The following CRACD variants were observed in gnomAD, a reference collection of about 807,000 sequenced individuals.
CRACD encodes the protein capping protein-inhibiting regulator of actin dynamics.
In CRACD, 56 loss-of-function variants were observed where a neutral mutation model predicts 106.8. The observed-to-expected ratio is 0.52, with a 90% CI of 0.42 to 0.66. CRACD has a LOEUF of 0.66. CRACD is among the 30% of genes least tolerant of loss of function. The pLI is 0.00. For synonymous variants in CRACD, 754 were observed against 670.8 expected, an observed-to-expected ratio of 1.12 and a Z score of -1.92; for missense variants, 1,730 against 1,623.2, an observed-to-expected ratio of 1.07 and a Z score of -1.13.
intron 1 of CRACD, among the ~76,000 whole-genome samples, chr4:56,096,484 A>G (rs193061521): frequency 1.9e-4 from 29 of 152,254 alleles, no homozygotes; most frequent in African/African-American, 5.8e-4. Context: ...AGGCCAAGGC[A>G]GGTGGATTGC....
intron 1 of CRACD, among the ~76,000 whole-genome samples, chr4:56,095,803 G>C (rs1321896289): frequency 3.3e-5 from 5 of 152,312 alleles, no homozygotes; most frequent in Admixed American, 2.0e-4. Context: ...GTGACAATGT[G>C]GGGTGGGGAG....
At position 56,221,656 on chromosome 4, in the gene CRACD, C is replaced by A. The variant is rs528118023; in HGVS notation, c.-189+42226C>A. ...TCTGCAAGGAACTCAAACAAATCAG[C>A]AAAAAAAATTAAAAAATAAAATAAA... On this transcript the variant is annotated intron_variant, in intron 2 of 10. Transcript: ENST00000682029. Among the ~76,000 whole-genome samples, 4 of 150,220 alleles carry A rather than the reference C, an allele frequency of 2.7e-5. No homozygotes were observed. The East Asian group carries it at 5.9e-4, about 22-fold the overall frequency.
At position 56,314,322 on chromosome 4, in the gene CRACD, G is replaced by A. The variant is rs1014002967; in HGVS notation, c.820G>A (p.Gly274Ser). The A allele has an allele frequency of 4.2e-5, 65 of 1,551,760 alleles. No homozygotes were observed. Among genetic ancestry groups the A allele is most frequent in the Non-Finnish European group, 5.5e-5 (63 of 1,147,440 alleles). ...AAGGCAGGAGCTCTTGGAGGAGGAG[G>A]GCGAGGGGCAGGAGCCGCCTCTAGA... The part of the protein sequence containing the change: ...NRRQELLEEE[G>S]EGQEPPLEAE... The change falls in exon 8 of 11, where the codon GGC becomes AGC. Residue 274 changes from glycine to serine, a missense_variant. Gly to Ser is a moderately conservative substitution (Grantham distance 56). Around this residue, in one of 5 missense-constraint regions of CRACD, gnomAD observed 1,620 missense variants for 1,481.6 expected, o/e 1.09. Transcript: ENST00000682029. The surrounding 1 kb of genome is among the most constrained non-coding windows in gnomAD (Gnocchi z 4.4).
At chr4:56,088,132 C>CTTTTTTTT (rs11305512) in intron 1 of CRACD, among the ~76,000 whole-genome samples, 21 of 131,926 alleles carry the variant, frequency 1.6e-4, no homozygotes, top group African/African-American at 2.0e-4. Context: ...TAGATTGTTT[C>CTTTTTTTT]TTTTTTTTTT....
intron 1 of CRACD, among the ~76,000 whole-genome samples, chr4:56,160,162 AG>A (rs1735901396): frequency 6.6e-6 from 1 of 150,476 alleles, no homozygotes; most frequent in African/African-American, 2.4e-5. Context: ...GAAAAATCCT[AG>A]CTAAGTCACT....
At chr4:56,090,120 A>G (rs1333030091) in intron 1 of CRACD, among the ~76,000 whole-genome samples, 2 of 151,734 alleles carry the variant, frequency 1.3e-5, no homozygotes, top group Admixed American at 6.6e-5. Flanking sequence ...AGATGCCTTA[A>G]TATGAAAGGT....
chr4:56,149,282 T>C (rs73817368), intron 1 of CRACD, among the ~76,000 whole-genome samples: 3,293 of 152,262 alleles, frequency 0.022, 98 homozygotes, highest in African/African-American at 0.069. Context: ...CTCAACTCTG[T>C]TTCTATCCCA....
intron 1 of CRACD, among the ~76,000 whole-genome samples, chr4:56,095,227 C>T (rs1733559370): frequency 6.6e-6 from 1 of 152,140 alleles, no homozygotes. Context: ...TGGCACCTGC[C>T]TGTAGTCCCA....
At chr4:56,209,482 A>G (rs1738292941) in intron 2 of CRACD, among the ~76,000 whole-genome samples, 1 of 152,138 alleles carries the variant, frequency 6.6e-6, no homozygotes, top group African/African-American at 2.4e-5. Flanking sequence ...AATTACATAT[A>G]TTAACTACAT....
chr4:56,062,186 C>G (rs1178992027), intron 1 of CRACD, among the ~76,000 whole-genome samples: 1 of 152,186 alleles, frequency 6.6e-6, no homozygotes, highest in Non-Finnish European at 1.5e-5. Flanking sequence ...TATCAAATAG[C>G]TCTTCTAAGT....
intron 1 of CRACD, among the ~76,000 whole-genome samples, chr4:56,167,644 T>C (rs570234258): frequency 1.3e-5 from 2 of 152,336 alleles, no homozygotes; most frequent in South Asian, 4.1e-4. Flanking sequence ...GCTTATTTCA[T>C]TTAACATAAG....
chr4:56,182,861 A>ATGTGTGTGTGTGTGTGTGTGTGTG (rs763638808), intron 2 of CRACD, among the ~76,000 whole-genome samples: 4 of 101,892 alleles, frequency 3.9e-5, no homozygotes, highest in African/African-American at 1.5e-4. Flanking sequence ...GAAAAAAAAG[A>ATGTGTGTGTGTGTGTGTGTGTGTG]TATGTGTGTG....
At chr4:56,279,232 C>A (rs1742859157) in intron 3 of CRACD, among the ~76,000 whole-genome samples, 1 of 152,140 alleles carries the variant, frequency 6.6e-6, no homozygotes, top group Non-Finnish European at 1.5e-5. Flanking sequence ...GATGGAAATG[C>A]AGAAATCATT....
intron 1 of CRACD, among the ~76,000 whole-genome samples, chr4:56,070,857 G>GTGTGTGTGTGTA (rs1210955529): frequency 6.7e-6 from 1 of 149,220 alleles, no homozygotes; most frequent in Non-Finnish European, 1.5e-5. Context: ...CTGTGTGTGT[G>GTGTGTGTGTGTA]TGTGTGTGTG....
intron 3 of CRACD, among the ~76,000 whole-genome samples, chr4:56,295,178 A>G (rs978662943): frequency 6.6e-6 from 1 of 152,096 alleles, no homozygotes; most frequent in Non-Finnish European, 1.5e-5. Context: ...TACTTAATTT[A>G]TAGCAAATTG....
At chr4:56,164,397 G>A (rs558563040) in intron 1 of CRACD, among the ~76,000 whole-genome samples, 5 of 152,272 alleles carry the variant, frequency 3.3e-5, no homozygotes, top group Admixed American at 2.6e-4. Context: ...GCCTCCCAAA[G>A]TGCTGGGATT....
chr4:56,323,357 C>CT lies in CRACD; in HGVS notation c.3188-17dup. ...GCAGTTAAGTTCATTGCAAACCGTT[C>CT]TTTGTCTTATTCCCCACAGAGAAGC... On this transcript the variant is annotated intron_variant, in intron 8 of 10. Coordinates refer to ENST00000682029, the MANE Select transcript of CRACD (RefSeq NM_001393381.1). 1.9e-6 allele frequency: 3 copies of CT among 1,582,650 alleles called. No individual in the cohort carries two copies. Among genetic ancestry groups the CT allele is most frequent in the African/African-American group, 1.4e-5 (1 of 72,534 alleles).
chr4:56,172,539 C>T (rs764984820), intron 1 of CRACD, among the ~76,000 whole-genome samples: 59 of 152,150 alleles, frequency 3.9e-4, no homozygotes, highest in Non-Finnish European at 6.9e-4. Context: ...CTCGGCTCAC[C>T]GCAACCCCTG....
In CRACD at chr4:56,306,816, C is replaced by T. The variant is rs73240540; in HGVS notation, c.121-719C>T. Among the ~76,000 whole-genome samples, 1,135 of 152,316 alleles carry T rather than the reference C, an allele frequency of 7.5e-3. 7 individuals are homozygous for T. The highest frequency in any genetic ancestry group is 0.011 in the Non-Finnish European group (771 of 68,034). ...AGTAGTCAGTCCCTCCCTGGCTTTT[C>T]CCCATTTGGTTCCTCTGTCTCCTTT... is the stretch of plus-strand genomic sequence containing the variant. On this transcript the variant is annotated intron_variant, in intron 4 of 10. Transcript: ENST00000682029.
Sources: allele counts gnomAD v4.1 joint callset (sites outside exome capture counted in the v4.1 genomes callset), GRCh38; gene constraint gnomAD v4.1.1; regional missense constraint gnomAD v4.1.1; non-coding constraint Gnocchi (gnomAD v3.1); transcripts MANE v1.5; gene names NCBI Gene and HGNC (gene_info 2026-07-23, HGNC 2026-07-21).